SCLY: variants seen among roughly 807,000 people sequenced by gnomAD.
SCLY encodes selenocysteine lyase.
Under a neutral mutation model 50.1 loss-of-function variants are expected in SCLY, and 38 were observed. The ratio of observed to expected loss-of-function variants is 0.76; its 90% CI spans 0.59 to 0.99. SCLY has a LOEUF of 0.99. Among genes scored for constraint, SCLY ranks in the 50% least tolerant of loss-of-function variants. SCLY has a pLI of 0.00. For synonymous variants in SCLY, 243 were observed against 249.4 expected, an observed-to-expected ratio of 0.97 and a Z score of 0.24; for missense variants, 600 against 620.0, an observed-to-expected ratio of 0.97 and a Z score of 0.34.
intron 1 of SCLY, 150 bp downstream of exon 1, chr2:238,061,293 T>TG (rs1421444393): frequency 1.4e-6 from 1 of 727,818 alleles, no homozygotes; most frequent in East Asian, 2.7e-5. Flanking sequence ...AAGTCAGGGA[T>TG]GCGAGCTTCA....
At position 238,066,647 on chromosome 2, in the gene SCLY, A is replaced by G. The variant is rs1413178254; in HGVS notation, c.203-1418A>G. Among the ~76,000 whole-genome samples, 3 of 152,180 alleles carry G rather than the reference A, an allele frequency of 2.0e-5. No individual in the cohort carries two copies. The highest frequency in any genetic ancestry group is 7.2e-5 in the African/African-American group (3 of 41,436). ...GGAACATCGTTTGAACACAGAGCCT[A>G]CAGCATTTGCTGGTGGATTAATTGG... On this transcript the variant is annotated intron_variant, in intron 2 of 11. Transcript: ENST00000254663. The surrounding 1 kb of genome is among the most constrained non-coding windows in gnomAD (Gnocchi z 4.1).
At chr2:238,095,911 T>A in intron 10 of SCLY, 1 of 147,934 alleles carries the variant, frequency 6.8e-6, no homozygotes, top group East Asian at 1.9e-4. Flanking sequence ...TGGATAACTT[T>A]TTTTTTTTTT....
intron 11 of SCLY, among the ~76,000 whole-genome samples, 193 bp from the exon 12 acceptor site, chr2:238,098,009 T>C (rs11682046): frequency 0.45 from 68,855 of 151,978 alleles, 16,091 homozygotes; most frequent in Admixed American, 0.51. Context: ...GGGGCGACTT[T>C]GAGCCACACC....
At chr2:238,087,685 C>T (rs983568809) in intron 7 of SCLY, among the ~76,000 whole-genome samples, 19 of 113,088 alleles carry the variant, frequency 1.7e-4, no homozygotes, top group African/African-American at 6.6e-4. Context: ...GACACTAAAA[C>T]CAGATAAAGA....
intron 2 of SCLY, chr2:238,065,153 G>C (rs569418467): frequency 1.6e-4 from 25 of 152,310 alleles, no homozygotes; most frequent in African/African-American, 6.0e-4. Flanking sequence ...ATACGATTTA[G>C]TAACACTTGC....
intron 4 of SCLY, chr2:238,081,404 C>G (rs934985998): frequency 6.4e-6 from 2 of 313,544 alleles, no homozygotes; most frequent in African/African-American, 4.3e-5. Context: ...GGACCCTCCC[C>G]AAAAGCAAGA....
At position 238,091,200 on chromosome 2, in the gene SCLY, A is replaced by C. The variant is rs756536629; in HGVS notation, c.885-18A>C. 7.5e-6 allele frequency: 12 copies of C among 1,609,054 alleles called. No individual in the cohort carries two copies. The highest frequency in any genetic ancestry group is 1.0e-5 in the Non-Finnish European group (12 of 1,175,564). ...TGAGACATTTGTTTATTCTTGCTTA[A>C]TCCCTTGTTTCTTACAGGACAGAGA... On this transcript the variant is annotated intron_variant, in intron 7 of 11. Coordinates refer to ENST00000254663, the MANE Select transcript of SCLY (RefSeq NM_016510.7).
chr2:238,071,386 C>T (rs1279251025), intron 4 of SCLY, among the ~76,000 whole-genome samples: 1 of 152,172 alleles, frequency 6.6e-6, no homozygotes, highest in East Asian at 1.9e-4. Context: ...GCGGACAGAT[C>T]ACTTGAGGTC....
chr2:238,064,961 T>A (rs1487296044), intron 2 of SCLY: 4 of 152,174 alleles, frequency 2.6e-5, no homozygotes, highest in African/African-American at 7.2e-5. Context: ...AAATTGGAGG[T>A]TTTGGAGAAG....
intron 8 of SCLY, chr2:238,091,659 G>A (rs936178564): frequency 1.5e-5 from 3 of 201,152 alleles, no homozygotes; most frequent in African/African-American, 4.7e-5. Flanking sequence ...GGCCTGTCCT[G>A]CTTCTGCGAC....
At chr2:238,063,255 T>C (rs537787208) in intron 1 of SCLY, among the ~76,000 whole-genome samples, 4 of 130,726 alleles carry the variant, frequency 3.1e-5, no homozygotes, top group South Asian at 4.6e-4. Context: ...TTTTTGTTGT[T>C]GTTTTTTTTT....
At chr2:238,094,283 G>A (rs535575002) in intron 9 of SCLY, 137 bp from the exon 10 acceptor site, 11 of 754,874 alleles carry the variant, frequency 1.5e-5, no homozygotes, top group East Asian at 7.4e-5. Context: ...GTCCGTCCCC[G>A]TAACTATTCT....
chr2:238,098,747 T>C lies in SCLY; in HGVS notation c.*392T>C. On this transcript the variant is annotated 3_prime_UTR_variant, in exon 12 of 12. Coordinates refer to ENST00000254663, the MANE Select transcript of SCLY (RefSeq NM_016510.7). ...CTGGGCACGCCTGTTGTGAGTGCCCTTTCCTGGAAGGTGTTTTTATCTGGA... is the reference window on the plus strand; with the variant it reads ...CTGGGCACGCCTGTTGTGAGTGCCCCTTCCTGGAAGGTGTTTTTATCTGGA... 3.0e-6 allele frequency: 1 copy of C among 337,454 alleles called. No individual in the cohort carries two copies. Among genetic ancestry groups the C allele is most frequent in the Non-Finnish European group, 5.3e-6 (1 of 188,244 alleles). 20.9% of individuals were successfully genotyped at this position (337,454 alleles called of 1,614,324 possible). A position where few individuals can be genotyped will look rare whatever the true frequency, so the allele number is the denominator to read the frequency against.
intron 4 of SCLY, among the ~76,000 whole-genome samples, chr2:238,071,702 A>G (rs917410421): frequency 9.2e-5 from 14 of 152,162 alleles, no homozygotes; most frequent in Non-Finnish European, 1.8e-4. Context: ...CTTCTTGTGG[A>G]TATTATCATT....
Position 238,064,357 on chromosome 2 carries a change from G to C in SCLY, c.90G>C (p.Arg30Ser). 1 of 1,581,906 alleles carries C rather than the reference G, an allele frequency of 6.3e-7. No homozygotes were observed. Among genetic ancestry groups the C allele is most frequent in the Non-Finnish European group, 8.6e-7 (1 of 1,164,556 alleles). The change falls in exon 2 of 12, where the codon AGG becomes AGC. Residue 30 changes from arginine to serine, a missense_variant and splice_region_variant. Transcript: ENST00000254663. Reference protein sequence around the residue: ...SGCGKHNSPERKVYMDYNATT... With the variant: ...SGCGKHNSPESKVYMDYNATT... Reference sequence around the variant, plus strand: ...GGTGTCTTTGCTTTCTTTCCTTCAGGAAAGTTTATATGGACTATAATGCAA... The same window carrying C: ...GGTGTCTTTGCTTTCTTTCCTTCAGCAAAGTTTATATGGACTATAATGCAA...
chr2:238,064,304 C>T, intron 1 of SCLY, 53 bp from the exon 2 acceptor site: 2 of 1,175,654 alleles, frequency 1.7e-6, no homozygotes, highest in Non-Finnish European at 2.5e-6. Context: ...AGCCATATTT[C>T]CCATATGCCA....
intron 7 of SCLY, among the ~76,000 whole-genome samples, chr2:238,084,172 A>G (rs2065265502): frequency 6.6e-6 from 1 of 152,222 alleles, no homozygotes; most frequent in Non-Finnish European, 1.5e-5. Flanking sequence ...CAAGAAGGCC[A>G]GGTAGAGAAC....
At chr2:238,094,890 G>T (rs369484898) in intron 10 of SCLY, 79 of 208,594 alleles carry the variant, frequency 3.8e-4, no homozygotes, top group African/African-American at 1.7e-3. Flanking sequence ...GTGAGGGAAA[G>T]GGGAGGTGAT....
intron 1 of SCLY, 24 bp from the exon 2 acceptor site, chr2:238,064,333 G>T: frequency 2.7e-6 from 4 of 1,487,730 alleles, no homozygotes; most frequent in African/African-American, 1.4e-5. Context: ...TCCTTAATGG[G>T]TGTCTTTGCT....
Sources: gnomAD v4.1 joint callset for allele counts (sites outside exome capture counted in the v4.1 genomes callset) on GRCh38, gnomAD v4.1.1 for gene constraint, Gnocchi (gnomAD v3.1) non-coding constraint, MANE v1.5 for transcripts, NCBI Gene and HGNC (gene_info 2026-07-23, HGNC 2026-07-21) for gene names.